RBM6: variants seen among roughly 807,000 people sequenced by gnomAD.
RBM6 encodes RNA-binding protein 6.
RBM6 carries 23 observed loss-of-function variants against 140.4 expected under a neutral mutation model. The ratio of observed to expected loss-of-function variants is 0.16; its 90% CI spans 0.12 to 0.23. RBM6 has a LOEUF of 0.23. Ranked by LOEUF, RBM6 falls within the 10% of genes least tolerant of loss-of-function variation. The pLI, the probability that RBM6 is intolerant of heterozygous loss-of-function variation, is 1.00. For synonymous variants in RBM6, 439 were observed against 475.6 expected, an observed-to-expected ratio of 0.92 and a Z score of 1.00; for missense variants, 1,139 against 1,386.7, an observed-to-expected ratio of 0.82 and a Z score of 2.84.
chr3:50,030,882 A>G (rs915384740), intron 6 of RBM6, among the ~76,000 whole-genome samples: 8 of 151,742 alleles, frequency 5.3e-5, no homozygotes, highest in African/African-American at 1.7e-4. Flanking sequence ...GGACATAGTG[A>G]GTAGAAGGAT....
intron 6 of RBM6, among the ~76,000 whole-genome samples, chr3:50,037,560 G>A (rs1012591415): frequency 3.3e-5 from 5 of 152,172 alleles, no homozygotes; most frequent in Non-Finnish European, 7.3e-5. Context: ...ACAGGCAGAG[G>A]GGCTAAAGAT....
chr3:50,050,685 C>T (rs145541308), intron 7 of RBM6, among the ~76,000 whole-genome samples: 51 of 152,202 alleles, frequency 3.4e-4, no homozygotes, highest in African/African-American at 1.2e-3. Flanking sequence ...TTTTATATTC[C>T]AGCAATATGT....
At chr3:49,959,908 C>T (rs1429535824) in intron 1 of RBM6, among the ~76,000 whole-genome samples, 1 of 152,122 alleles carries the variant, frequency 6.6e-6, no homozygotes, top group East Asian at 1.9e-4. Flanking sequence ...CCTTGGCATT[C>T]ATATGGCTTT....
At chr3:50,011,835 C>G (rs1471764244) in intron 6 of RBM6, among the ~76,000 whole-genome samples, 1 of 144,902 alleles carries the variant, frequency 6.9e-6, no homozygotes, top group African/African-American at 2.6e-5. Context: ...TTTTTCTTTT[C>G]TTTCTTTTTT....
Position 50,007,657 on chromosome 3 carries a change from T to C in RBM6, c.1557+8144T>C, listed in dbSNP as rs192237466. ...ACACCATTCTCTCGCCTCAGCCTCC[T>C]GAGTAGCTGGGACTACAGGCGCCTG... On this transcript the variant is annotated intron_variant, in intron 6 of 20. Coordinates refer to ENST00000266022, the MANE Select transcript of RBM6 (RefSeq NM_005777.3). Among the ~76,000 whole-genome samples the C allele has an allele frequency of 3.3e-3, 503 of 152,034 alleles. 3 individuals are homozygous for C. Among genetic ancestry groups the C allele is most frequent in the African/African-American group, 0.012 (492 of 41,484 alleles).
intron 6 of RBM6, among the ~76,000 whole-genome samples, chr3:50,036,864 C>T (rs2088566050): frequency 1.3e-5 from 2 of 152,134 alleles, no homozygotes; most frequent in Admixed American, 1.3e-4. Flanking sequence ...TCACTGCAGC[C>T]TCCGCCTCCT....
intron 11 of RBM6, 139 bp downstream of exon 11, chr3:50,059,885 T>C: frequency 1.6e-6 from 1 of 621,362 alleles, no homozygotes; most frequent in Non-Finnish European, 2.8e-6. Context: ...TATTACAGTT[T>C]CTTTCTGAAG....
intron 5 of RBM6, among the ~76,000 whole-genome samples, chr3:49,992,228 G>A (rs910822536): frequency 5.3e-5 from 8 of 152,044 alleles, no homozygotes; most frequent in Admixed American, 1.3e-4. Flanking sequence ...TTGGGATTAC[G>A]GGCGTGAGCC....
At chr3:49,974,846 C>T (rs1411525654) in intron 4 of RBM6, among the ~76,000 whole-genome samples, 6 of 151,518 alleles carry the variant, frequency 4.0e-5, no homozygotes, top group Admixed American at 4.0e-4. Flanking sequence ...GCCACCACAC[C>T]AGGCTAATTT....
intron 1 of RBM6, among the ~76,000 whole-genome samples, chr3:49,949,527 G>A (rs981232829): frequency 1.1e-4 from 16 of 152,024 alleles, no homozygotes; most frequent in African/African-American, 3.4e-4. Flanking sequence ...CGAGTAGCTG[G>A]GACTACAGGC....
At chr3:50,026,148 G>A (rs1474130799) in intron 6 of RBM6, among the ~76,000 whole-genome samples, 6 of 151,544 alleles carry the variant, frequency 4.0e-5, no homozygotes, top group African/African-American at 1.5e-4. Flanking sequence ...GCAGTGGCAC[G>A]ATCTCGGCTC....
At chr3:50,022,252 C>T (rs1019620834) in intron 6 of RBM6, among the ~76,000 whole-genome samples, 3 of 151,712 alleles carry the variant, frequency 2.0e-5, no homozygotes, top group South Asian at 4.2e-4. Context: ...ACTCTCTAAT[C>T]GCCTGTTGTG....
intron 5 of RBM6, among the ~76,000 whole-genome samples, chr3:49,978,349 G>A (rs2085153899): frequency 6.6e-6 from 1 of 152,146 alleles, no homozygotes; most frequent in Non-Finnish European, 1.5e-5. Context: ...ATTTTAGGCT[G>A]AGTGATGACC....
intron 6 of RBM6, among the ~76,000 whole-genome samples, chr3:50,042,276 G>A (rs6798832): frequency 0.024 from 3,642 of 152,214 alleles, 157 homozygotes; most frequent in African/African-American, 0.083. Context: ...TTTTGATACT[G>A]TTTATCGCTT....
In RBM6 at chr3:50,061,560, C is replaced by CTT. The variant is rs10663019; in HGVS notation, c.2439+36_2439+37dup. ...CCCCAATACCCAGGTGAGTTTGGGG[C>CTT]TTTTTTTTTTTTTTTTTTTTTTTTA... On this transcript the variant is annotated intron_variant, in intron 14 of 20. Coordinates refer to ENST00000266022, the MANE Select transcript of RBM6 (RefSeq NM_005777.3). The CTT allele has an allele frequency of 0.17, 196,977 of 1,176,394 alleles. 9,074 individuals are homozygous for CTT. Among genetic ancestry groups the CTT allele is most frequent in the East Asian group, 0.23 (6,291 of 27,640 alleles). 72.9% of individuals were successfully genotyped at this position (1,176,394 alleles called of 1,614,324 possible). A position where few individuals can be genotyped will look rare whatever the true frequency, so the allele number is the denominator to read the frequency against.
chr3:49,948,319 G>C (rs941229806), intron 1 of RBM6, among the ~76,000 whole-genome samples: 1 of 152,076 alleles, frequency 6.6e-6, no homozygotes, highest in African/African-American at 2.4e-5. Flanking sequence ...CCTGTGCTCA[G>C]GGGTTCGAGA....
chr3:49,985,191 A>C (rs748188092), intron 5 of RBM6, among the ~76,000 whole-genome samples: 1 of 152,214 alleles, frequency 6.6e-6, no homozygotes, highest in African/African-American at 2.4e-5. Flanking sequence ...TGACAAGAAG[A>C]AAAGGGCATT....
At chr3:49,997,138 C>A (rs2086120590) in intron 5 of RBM6, among the ~76,000 whole-genome samples, 1 of 151,890 alleles carries the variant, frequency 6.6e-6, no homozygotes, top group South Asian at 2.1e-4. Context: ...TATGGCACAA[C>A]CATGAGTCTT....
intron 1 of RBM6, among the ~76,000 whole-genome samples, chr3:49,946,830 C>T (rs1166597094): frequency 2.7e-5 from 4 of 150,700 alleles, no homozygotes; most frequent in Non-Finnish European, 3.0e-5. Context: ...CCATCTCACC[C>T]GGCCTATTTT....
Sources: gnomAD v4.1 joint callset for allele counts (sites outside exome capture counted in the v4.1 genomes callset) on GRCh38, gnomAD v4.1.1 for gene constraint, MANE v1.5 for transcripts, NCBI Gene and HGNC (gene_info 2026-07-23, HGNC 2026-07-21) for gene names.